The following KIRREL3 variants were observed in gnomAD, a reference collection of about 807,000 sequenced individuals.
The protein encoded by KIRREL3 is kin of IRRE-like protein 3.
In KIRREL3, 36 loss-of-function variants were observed where a neutral mutation model predicts 89.7. That is an observed-to-expected ratio of 0.40 (90% CI 0.31 to 0.53). The LOEUF (loss-of-function observed/expected upper bound fraction) is 0.53. KIRREL3 is among the 20% of genes least tolerant of loss of function. The pLI is 0.49. For synonymous variants in KIRREL3, 445 were observed against 441.4 expected, an observed-to-expected ratio of 1.01 and a Z score of -0.10; for missense variants, 864 against 1,056.6, an observed-to-expected ratio of 0.82 and a Z score of 2.53.
In KIRREL3 at chr11:126,676,203, T is replaced by A. The variant is rs980881804; in HGVS notation, c.56-113291A>T. Among the ~76,000 whole-genome samples the A allele has an allele frequency of 2.0e-5, 3 of 152,226 alleles. No homozygotes were observed. Among genetic ancestry groups the A allele is most frequent in the East Asian group, 3.9e-4 (2 of 5,168 alleles). ...ATTACAAGCAGGGGTGTCATCAGCA[T>A]CAAGGTGCTAGTAACTATCACGGGC... On this transcript the variant is annotated intron_variant, in intron 1 of 16. Transcript: ENST00000525144. The surrounding 1 kb of genome is among the most constrained non-coding windows in gnomAD (Gnocchi z 4.5).
rs1940333353 is a variant in KIRREL3, at chr11:126,564,071, G to A, written c.56-1159C>T. Among the ~76,000 whole-genome samples the A allele has an allele frequency of 6.6e-6, 1 of 152,252 alleles. No homozygotes were observed. The highest frequency in any genetic ancestry group is 2.1e-4 in the South Asian group (1 of 4,834). On this transcript the variant is annotated intron_variant, in intron 1 of 16. Transcript: ENST00000525144. This position sits in a 1 kb window ranked among gnomAD's most constrained non-coding sequence, Gnocchi z 7.4. ...TAGATAAGGAATTTGATTTCTGGAA[G>A]AGGGAATATGACTGCAGCTCTTCCT...
At chr11:126,532,911 G>A (rs910215101) in intron 2 of KIRREL3, among the ~76,000 whole-genome samples, 1 of 151,476 alleles carries the variant, frequency 6.6e-6, no homozygotes, top group African/African-American at 2.4e-5. Flanking sequence ...TTATAATATA[G>A]CTTATAATTA....
chr11:126,429,274 C>T lies in KIRREL3; in HGVS notation c.1711G>A (p.Val571Met). 3 of 1,612,730 alleles carry T rather than the reference C, an allele frequency of 1.9e-6. No homozygotes were observed. The highest frequency in any genetic ancestry group is 2.5e-6 in the Non-Finnish European group (3 of 1,178,738). Residue 571 changes from valine to methionine, a missense_variant, in exon 15 of 17, where the codon GTG becomes ATG. By Grantham distance (21) the Val-to-Met change is conservative. Transcript: ENST00000525144. The surrounding 1 kb of genome is among the most constrained non-coding windows in gnomAD (Gnocchi z 5.2). ...ACTCGGATATCATTTTTGGCTGACA[C>T]AACACCTTTGAGATCTGGAGATAAA... ...ARSQRNLKGV[V>M]SAKNDIRVEI...
At chr11:126,949,303 G>T (rs2135141333) in intron 1 of KIRREL3, among the ~76,000 whole-genome samples, 1 of 152,262 alleles carries the variant, frequency 6.6e-6, no homozygotes, top group Admixed American at 6.5e-5. Flanking sequence ...TTTGTGAGGT[G>T]GTGGGTCTTC....
At chr11:126,659,716 C>G (rs981503596) in intron 1 of KIRREL3, among the ~76,000 whole-genome samples, 2 of 152,234 alleles carry the variant, frequency 1.3e-5, no homozygotes, top group African/African-American at 2.4e-5. Flanking sequence ...TCAAAGGATG[C>G]CTTCCACGGG....
In KIRREL3 at chr11:126,431,669, A is replaced by C; in HGVS notation, c.1589-143T>G. ...GCCTCAGTGGGGCCTGGGCAGGCACAGGCCGAGTCCAACTGGGGTCAGCTC... is the reference window on the plus strand; with the variant it reads ...GCCTCAGTGGGGCCTGGGCAGGCACCGGCCGAGTCCAACTGGGGTCAGCTC... On this transcript the variant is annotated intron_variant, in intron 13 of 16. Transcript: ENST00000525144. This position sits in a 1 kb window ranked among gnomAD's most constrained non-coding sequence, Gnocchi z 7.1. 5.0e-6 allele frequency: 4 copies of C among 798,674 alleles called. No homozygotes were observed. The South Asian group carries it at 6.8e-5, about 14-fold the overall frequency. 49.5% of individuals were successfully genotyped at this position (798,674 alleles called of 1,614,324 possible).
At position 126,548,145 on chromosome 11, in the gene KIRREL3, C is replaced by T. The variant is rs148068306; in HGVS notation, c.133+14690G>A. Among the ~76,000 whole-genome samples the T allele has an allele frequency of 1.8e-4, 27 of 152,290 alleles. No homozygotes were observed. The East Asian group carries it at 2.7e-3, about 15-fold the overall frequency. ...CTTCCCACCTCCAGTCCTCCACGAGCCTGTCATCTGTACCTCTCTTTAGTT... is the reference window on the plus strand; with the variant it reads ...CTTCCCACCTCCAGTCCTCCACGAGTCTGTCATCTGTACCTCTCTTTAGTT... On this transcript the variant is annotated intron_variant, in intron 2 of 16. Transcript: ENST00000525144.
intron 1 of KIRREL3, among the ~76,000 whole-genome samples, chr11:126,838,052 C>G (rs1470933311): frequency 1.3e-5 from 2 of 152,030 alleles, no homozygotes; most frequent in African/African-American, 2.4e-5. Context: ...ATAATAATAA[C>G]AAAAAATCTC....
chr11:126,699,067 T>A (rs989468548), intron 1 of KIRREL3, among the ~76,000 whole-genome samples: 6 of 152,078 alleles, frequency 3.9e-5, no homozygotes. Context: ...CTGGAAGGGG[T>A]GCCAGGAGAG....
rs1344473857 is a variant in KIRREL3, at chr11:126,655,278, C to G, written c.56-92366G>C. Among the ~76,000 whole-genome samples, 1 of 152,210 alleles carries G rather than the reference C, an allele frequency of 6.6e-6. No homozygotes were observed. Among genetic ancestry groups the G allele is most frequent in the Non-Finnish European group, 1.5e-5 (1 of 68,032 alleles). ...AGCTCTCGCTGTTGCCTGCTTTTAT[C>G]TGGAAAACAATGTGAGCAGTATCTC... is the stretch of plus-strand genomic sequence containing the variant. On this transcript the variant is annotated intron_variant, in intron 1 of 16. Coordinates refer to ENST00000525144, the MANE Select transcript of KIRREL3 (RefSeq NM_032531.4). This position sits in a 1 kb window ranked among gnomAD's most constrained non-coding sequence, Gnocchi z 5.0.
rs891207442 is a variant in KIRREL3, at chr11:126,471,336, C to T, written c.591+1973G>A. Among the ~76,000 whole-genome samples the T allele has an allele frequency of 6.6e-5, 10 of 151,138 alleles. No individual in the cohort carries two copies. The highest frequency in any genetic ancestry group is 2.4e-4 in the African/African-American group (10 of 41,112). ...GGTGAGCTGAGATCACGCCATTGCA[C>T]TCCAGTCTGGGCAACAAGAGTGAAA... On this transcript the variant is annotated intron_variant, in intron 5 of 16. Transcript: ENST00000525144. The surrounding 1 kb of genome is among the most constrained non-coding windows in gnomAD (Gnocchi z 5.4).
In KIRREL3 at chr11:126,496,136, T is replaced by A. The variant is rs573071522; in HGVS notation, c.434-22670A>T. Among the ~76,000 whole-genome samples the A allele has an allele frequency of 6.6e-6, 1 of 152,184 alleles. No homozygotes were observed. Among genetic ancestry groups the A allele is most frequent in the Non-Finnish European group, 1.5e-5 (1 of 68,042 alleles). Reference sequence around the variant, plus strand: ...AGAAACTGTGAGAGCTAAGAAATGATTCCTGTAATTTTAAGCCACTGAGCT... The same window carrying A: ...AGAAACTGTGAGAGCTAAGAAATGAATCCTGTAATTTTAAGCCACTGAGCT... On this transcript the variant is annotated intron_variant, in intron 4 of 16. Transcript: ENST00000525144. This position sits in a 1 kb window ranked among gnomAD's most constrained non-coding sequence, Gnocchi z 4.9.
intron 1 of KIRREL3, among the ~76,000 whole-genome samples, chr11:126,745,495 C>A (rs55947013): frequency 2.7e-5 from 4 of 148,596 alleles, no homozygotes; most frequent in Non-Finnish European, 3.0e-5. Flanking sequence ...AACAGAAAAA[C>A]AAAAAAAAAA....
intron 1 of KIRREL3, among the ~76,000 whole-genome samples, chr11:126,663,262 C>T (rs566096582): frequency 1.4e-5 from 2 of 145,810 alleles, no homozygotes; most frequent in Admixed American, 7.3e-5. Flanking sequence ...CTTCTTTCAC[C>T]GCAAACTCTG....
At chr11:126,775,096 T>C (rs570079034) in intron 1 of KIRREL3, among the ~76,000 whole-genome samples, 3 of 152,196 alleles carry the variant, frequency 2.0e-5, no homozygotes, top group Admixed American at 1.3e-4. Flanking sequence ...CTGGGGCAAA[T>C]ACCCAACAAA....
intron 1 of KIRREL3, among the ~76,000 whole-genome samples, chr11:126,979,121 T>A (rs1308481381): frequency 6.6e-6 from 1 of 152,204 alleles, no homozygotes; most frequent in Admixed American, 6.5e-5. Context: ...GACCCGTCTA[T>A]AACCATTATT....
At position 126,652,349 on chromosome 11, in the gene KIRREL3, A is replaced by C. The variant is rs1318784819; in HGVS notation, c.56-89437T>G. On this transcript the variant is annotated intron_variant, in intron 1 of 16. Transcript: ENST00000525144. This position sits in a 1 kb window ranked among gnomAD's most constrained non-coding sequence, Gnocchi z 4.9. ...TTTACTTAGGGCACAAAGAAGAACC[A>C]AGACAGGAGAGGAAGCCTGGGCCAA... Among the ~76,000 whole-genome samples, 1 of 152,186 alleles carries C rather than the reference A, an allele frequency of 6.6e-6. No individual in the cohort carries two copies. Among genetic ancestry groups the C allele is most frequent in the Non-Finnish European group, 1.5e-5 (1 of 68,032 alleles).
chr11:126,504,627 G>T (rs1957965838), intron 4 of KIRREL3, among the ~76,000 whole-genome samples: 1 of 152,154 alleles, frequency 6.6e-6, no homozygotes, highest in Admixed American at 6.5e-5. Flanking sequence ...CTAGAAAATA[G>T]AGGAGGAATA....
chr11:126,442,463 G>A (rs1329933760), intron 10 of KIRREL3, among the ~76,000 whole-genome samples: 1 of 152,096 alleles, frequency 6.6e-6, no homozygotes, highest in Non-Finnish European at 1.5e-5. Flanking sequence ...TGAAAACCAG[G>A]ATAAAGGGAA....
Sources: allele counts gnomAD v4.1 joint callset (sites outside exome capture counted in the v4.1 genomes callset), GRCh38; gene constraint gnomAD v4.1.1; non-coding constraint Gnocchi (gnomAD v3.1); transcripts MANE v1.5; gene names NCBI Gene and HGNC (gene_info 2026-07-23, HGNC 2026-07-21).